Variants in KCNH8 observed in about 807,000 individuals in gnomAD.
KCNH8 encodes potassium voltage-gated channel subfamily H member 8, also known as voltage-gated delayed rectifier potassium channel KCNH8.
In KCNH8, 70 loss-of-function variants were observed where a neutral mutation model predicts 103.6. That is an observed-to-expected ratio of 0.68 (90% confidence interval 0.56 to 0.82). The LOEUF is 0.82. Among genes scored for constraint, KCNH8 ranks in the 40% least tolerant of loss-of-function variants. KCNH8 has a pLI of 0.00. For missense variants in KCNH8, 1,217 were observed against 1,329.9 expected (o/e 0.92, Z 1.32); for synonymous variants, 498 against 489.4 (o/e 1.02, Z -0.23).
chr3:19,500,539 T>G lies in KCNH8; in HGVS notation c.2041-9824T>G, dbSNP rs188507061. Among the ~76,000 whole-genome samples the G allele has an allele frequency of 1.3e-3, 203 of 152,242 alleles. 1 individual carries two copies. The highest frequency in any genetic ancestry group is 3.4e-3 in the Middle Eastern group (1 of 294). On this transcript the variant is annotated intron_variant, in intron 11 of 15. Coordinates refer to ENST00000328405, the MANE Select transcript of KCNH8 (RefSeq NM_144633.3). ...TGACCACGTACTTGGAAGTAAAGCT[T>G]TCCTCAGCAAATGTAAAAGAACAGA...
At chr3:19,493,306 C>G (rs2125225908) in intron 11 of KCNH8, among the ~76,000 whole-genome samples, 1 of 152,114 alleles carries the variant, frequency 6.6e-6, no homozygotes, top group East Asian at 1.9e-4. Context: ...GGCTTTGTGT[C>G]CCCACCCAAA....
chr3:19,171,523 G>C (rs1483033670), intron 1 of KCNH8, among the ~76,000 whole-genome samples: 1 of 151,954 alleles, frequency 6.6e-6, no homozygotes, highest in African/African-American at 2.4e-5. Context: ...GAAGTATGTG[G>C]CTTCTCTTCA....
At chr3:19,371,556 A>G (rs2066096056) in intron 5 of KCNH8, among the ~76,000 whole-genome samples, 3 of 149,786 alleles carry the variant, frequency 2.0e-5, no homozygotes, top group Non-Finnish European at 3.0e-5. Flanking sequence ...CCCATTCTGT[A>G]GGTTGCCTGT....
intron 12 of KCNH8, among the ~76,000 whole-genome samples, chr3:19,511,687 A>T (rs2068785772): frequency 6.6e-6 from 1 of 152,162 alleles, no homozygotes; most frequent in African/African-American, 2.4e-5. Context: ...CCCAGCAAAA[A>T]AAAAGTATGC....
chr3:19,426,935 G>T (rs2067037492), intron 7 of KCNH8, among the ~76,000 whole-genome samples: 2 of 151,742 alleles, frequency 1.3e-5, no homozygotes, highest in South Asian at 4.2e-4. Context: ...TTTCCCTTTT[G>T]TGTTGAGTTG....
intron 11 of KCNH8, among the ~76,000 whole-genome samples, chr3:19,492,763 T>C (rs1243850070): frequency 6.6e-6 from 1 of 152,014 alleles, no homozygotes. Flanking sequence ...ATCTGTAAGT[T>C]GCTTTGGCCA....
chr3:19,404,294 G>C (rs2066659470), intron 7 of KCNH8, among the ~76,000 whole-genome samples: 1 of 151,902 alleles, frequency 6.6e-6, no homozygotes. Context: ...TTGCTTTCTA[G>C]TCTCATCTTC....
chr3:19,470,158 A>G (rs569145919), intron 11 of KCNH8, among the ~76,000 whole-genome samples: 1 of 152,324 alleles, frequency 6.6e-6, no homozygotes, highest in South Asian at 2.1e-4. Flanking sequence ...GGTAATTCAG[A>G]ATGAGGACAT....
chr3:19,482,156 TGGAA>T (rs545551063), intron 11 of KCNH8, among the ~76,000 whole-genome samples: 126 of 152,266 alleles, frequency 8.3e-4, no homozygotes, highest in Admixed American at 1.8e-3. Context: ...GTAATTAGAA[TGGAA>T]GAGAACAGGA....
chr3:19,483,575 T>A lies in KCNH8; in HGVS notation c.2040+26593T>A, dbSNP rs1395342358. The stretch of plus-strand genomic sequence containing the variant: ...TTACAGTTTCTCCACATACATAACA[T>A]GAAGTGACATTGAGAAACTGGGCTA... On this transcript the variant is annotated intron_variant, in intron 11 of 15. Coordinates refer to ENST00000328405, the MANE Select transcript of KCNH8 (RefSeq NM_144633.3). Among the ~76,000 whole-genome samples, 4 of 152,230 alleles carry A rather than the reference T, an allele frequency of 2.6e-5. No individual in the cohort carries two copies. The East Asian group carries it at 7.7e-4, about 29-fold the overall frequency.
intron 2 of KCNH8, among the ~76,000 whole-genome samples, chr3:19,254,195 G>A (rs1019754649): frequency 3.3e-5 from 5 of 151,886 alleles, no homozygotes; most frequent in Admixed American, 1.3e-4. Context: ...TAAAATATAC[G>A]TTATGTATAA....
Position 19,253,778 on chromosome 3 carries a change from C to T in KCNH8, c.201C>T (p.Cys67=), listed in dbSNP as rs2064310172. 4.3e-6 allele frequency: 7 copies of T among 1,613,826 alleles called. No individual in the cohort carries two copies. Among genetic ancestry groups the T allele is most frequent in the Non-Finnish European group, 5.1e-6 (6 of 1,179,892 alleles). Residue 67 remains cysteine (C), a synonymous_variant, in exon 2 of 16, where the codon TGC becomes TGT. Transcript: ENST00000328405. ...AAGTCATGCAGAAGAGTTGTAGCTG[C>T]AAGTTCTTATTTGGGGTTGAAACCA... ...RTEVMQKSCS[C]KFLFGVETNE...
intron 11 of KCNH8, among the ~76,000 whole-genome samples, chr3:19,490,268 C>T (rs1048216197): frequency 6.6e-6 from 1 of 152,204 alleles, no homozygotes; most frequent in African/African-American, 2.4e-5. Flanking sequence ...ACCGCTCAGA[C>T]ACCGAATTGT....
intron 2 of KCNH8, among the ~76,000 whole-genome samples, chr3:19,273,001 T>A (rs1320111913): frequency 6.6e-6 from 1 of 152,172 alleles, no homozygotes; most frequent in Admixed American, 6.5e-5. Flanking sequence ...AAATATCCAC[T>A]GAATGAATGA....
chr3:19,388,314 C>G (rs560621539), intron 5 of KCNH8, among the ~76,000 whole-genome samples: 1 of 152,072 alleles, frequency 6.6e-6, no homozygotes, highest in East Asian at 1.9e-4. Context: ...AAATTGAAAT[C>G]TTTGCTTTAT....
At chr3:19,150,501 C>A (rs371389415) in intron 1 of KCNH8, among the ~76,000 whole-genome samples, 33 of 152,226 alleles carry the variant, frequency 2.2e-4, no homozygotes, top group East Asian at 1.2e-3. Flanking sequence ...TGAATCATCC[C>A]AGCACAGCCT....
intron 5 of KCNH8, among the ~76,000 whole-genome samples, chr3:19,388,261 G>A (rs2066387026): frequency 6.6e-6 from 1 of 152,108 alleles, no homozygotes; most frequent in Admixed American, 6.6e-5. Context: ...TCTTACTCAT[G>A]AGAATTTAAG....
chr3:19,417,416 G>T (rs548208531), intron 7 of KCNH8, among the ~76,000 whole-genome samples: 63 of 151,442 alleles, frequency 4.2e-4, no homozygotes, highest in Non-Finnish European at 8.7e-4. Flanking sequence ...CCCATAAAAG[G>T]CCAACTGAAT....
intron 1 of KCNH8, among the ~76,000 whole-genome samples, chr3:19,180,073 A>G (rs148959604): frequency 2.0e-5 from 3 of 152,310 alleles, no homozygotes; most frequent in Non-Finnish European, 2.9e-5. Context: ...TGAACCCTCA[A>G]AACATTTAAA....
Sources: allele counts gnomAD v4.1 joint callset (sites outside exome capture counted in the v4.1 genomes callset), GRCh38; gene constraint gnomAD v4.1.1; transcripts MANE v1.5; gene names NCBI Gene and HGNC (gene_info 2026-07-23, HGNC 2026-07-21).